Variants in KRT27 observed in about 807,000 individuals in gnomAD.
KRT27 encodes the protein keratin, type I cytoskeletal 27.
KRT27 carries 30 observed loss-of-function variants against 45.3 expected under a neutral mutation model. That is an observed-to-expected ratio of 0.66 (90% CI 0.50 to 0.90). The LOEUF (loss-of-function observed/expected upper bound fraction) is 0.90. KRT27 is among the 40% of genes least tolerant of loss of function. The pLI, the probability that KRT27 is intolerant of heterozygous loss-of-function variation, is 0.00. For missense variants in KRT27, 610 were observed against 564.3 expected (o/e 1.08, Z -0.82); for synonymous variants, 204 against 223.9 (o/e 0.91, Z 0.79).
At position 40,777,316 on chromosome 17, in the gene KRT27, G is replaced by C. The variant is rs1025482059; in HGVS notation, c.1191-14C>G. ...TTAGAACAGGAGCTGTAAAAGTATAGAGCGCTTATATTAATTATTCTGTTT... is the reference window on the plus strand; with the variant it reads ...TTAGAACAGGAGCTGTAAAAGTATACAGCGCTTATATTAATTATTCTGTTT... On this transcript the variant is annotated splice_polypyrimidine_tract_variant and intron_variant, in intron 6 of 7. Coordinates refer to ENST00000301656, the MANE Select transcript of KRT27 (RefSeq NM_181537.4). The C allele has an allele frequency of 1.2e-6, 2 of 1,604,414 alleles. No individual in the cohort carries two copies. Among genetic ancestry groups the C allele is most frequent in the East Asian group, 2.2e-5 (1 of 44,832 alleles).
chr17:40,782,010 C>A, intron 1 of KRT27, 40 bp downstream of exon 1: 1 of 1,557,634 alleles, frequency 6.4e-7, no homozygotes, highest in Non-Finnish European at 8.7e-7. Context: ...TGGCTAAACA[C>A]TCTCAGGAGT....
Position 40,779,709 on chromosome 17 carries a change from G to T in KRT27, c.837C>A (p.Phe279Leu). 6.2e-7 allele frequency: 1 copy of T among 1,613,890 alleles called. No individual in the cohort carries two copies. Among genetic ancestry groups the T allele is most frequent in the Non-Finnish European group, 8.5e-7 (1 of 1,179,848 alleles). Residue 279 changes from phenylalanine to leucine, a missense_variant, in exon 4 of 8, where the codon TTC becomes TTA. Coordinates refer to ENST00000301656, the MANE Select transcript of KRT27 (RefSeq NM_181537.4). ...CCAAGCGTGGTTTTACCTTTTCGTT[G>T]AACCAGGCCTCCGCGTCCCTGCGGT... ...EQNRRDAEAWFNEKSASLQQQ... is the reference protein window; with the variant it reads ...EQNRRDAEAWLNEKSASLQQQ...
At position 40,779,803 on chromosome 17, in the gene KRT27, G is replaced by A. The variant is rs747424168; in HGVS notation, c.743C>T (p.Ala248Val). The change falls in exon 4 of 8, where the codon GCC (alanine) becomes GTC (valine). Residue 248 changes from alanine to valine, a missense_variant. Ala to Val is a moderately conservative substitution (Grantham distance 64, BLOSUM62 0). Coordinates refer to ENST00000301656, the MANE Select transcript of KRT27 (RefSeq NM_181537.4). ...GGNVNVEMNA[A>V]PGVDLTVLLN... ...CAGAACCGTGAGGTCTACCCCGGGG[G>A]CCGCGTTCATCTCCACGTTCACGTT... The A allele has an allele frequency of 6.2e-7, 1 of 1,614,262 alleles. No individual in the cohort carries two copies. The highest frequency in any genetic ancestry group is 8.5e-7 in the Non-Finnish European group (1 of 1,180,034).
rs762495868 is a variant in KRT27 at position 40,777,049 on chromosome 17, C to T, written c.1330G>A (p.Glu444Lys). 1.2e-6 allele frequency: 2 copies of T among 1,613,714 alleles called. No individual in the cohort carries two copies. Among genetic ancestry groups the T allele is most frequent in the African/African-American group, 2.7e-5 (2 of 74,918 alleles). ...VLSSRVHTVEEKSTKVNNKNE... is the reference protein window; with the variant it reads ...VLSSRVHTVEKKSTKVNNKNE... ...TTGTTGTTGACTTTGGTGGATTTCT[C>T]TTCCACAGTGTGAACTCTGGATGAG... The change falls in exon 8 of 8, where the codon GAG becomes AAG. Residue 444 changes from glutamate (E) to lysine (K), a missense_variant. Glu to Lys is a moderately conservative substitution (Grantham distance 56, BLOSUM62 1). Coordinates refer to ENST00000301656, the MANE Select transcript of KRT27 (RefSeq NM_181537.4).
At chr17:40,777,793 G>A in intron 5 of KRT27, 61 bp from the exon 6 acceptor site, 3 of 1,481,128 alleles carry the variant, frequency 2.0e-6, no homozygotes, top group Non-Finnish European at 1.9e-6. Flanking sequence ...ATAAGCCAAA[G>A]CATTTAAGAG....
At chr17:40,779,161 C>T (rs982132671) in intron 5 of KRT27, among the ~76,000 whole-genome samples, 7 of 152,176 alleles carry the variant, frequency 4.6e-5, no homozygotes, top group Non-Finnish European at 1.0e-4. Flanking sequence ...CTCTAGTAAG[C>T]ACTTATCCCA....
In KRT27 at chr17:40,782,369, C is replaced by T; in HGVS notation, c.125G>A (p.Gly42Glu). The change falls in exon 1 of 8, where the codon GGA becomes GAA. Residue 42 changes from glycine to glutamate, a missense_variant. Physicochemically the swap from Gly to Glu is moderately conservative, Grantham distance 98 (BLOSUM62 -2). Coordinates refer to ENST00000301656, the MANE Select transcript of KRT27 (RefSeq NM_181537.4). Reference sequence around the variant, plus strand: ...CCCAAAAGCACAAGAGAAGCCACTTCCAATGCCTGGCACACCGCATGTGTT... The same window carrying T: ...CCCAAAAGCACAAGAGAAGCCACTTTCAATGCCTGGCACACCGCATGTGTT... ...AGNTCGVPGI[G>E]SGFSCAFGGS... is the part of the protein sequence containing the mutation. 1 of 1,614,198 alleles carries T rather than the reference C, an allele frequency of 6.2e-7. No individual in the cohort carries two copies. The highest frequency in any genetic ancestry group is 8.5e-7 in the Non-Finnish European group (1 of 1,180,038).
chr17:40,779,713 C>G lies in KRT27; in HGVS notation c.833G>C (p.Trp278Ser). The G allele has an allele frequency of 6.2e-7, 1 of 1,613,868 alleles. No individual in the cohort carries two copies. Among genetic ancestry groups the G allele is most frequent in the Non-Finnish European group, 8.5e-7 (1 of 1,179,832 alleles). ...GCGTGGTTTTACCTTTTCGTTGAACCAGGCCTCCGCGTCCCTGCGGTTCTG... is the reference window on the plus strand; with the variant it reads ...GCGTGGTTTTACCTTTTCGTTGAACGAGGCCTCCGCGTCCCTGCGGTTCTG... ...AEQNRRDAEA[W>S]FNEKSASLQQ... The change falls in exon 4 of 8, where the codon TGG becomes TCG. Residue 278 changes from tryptophan to serine, a missense_variant. By Grantham distance (177) the Trp-to-Ser change is radical. Transcript: ENST00000301656.
intron 1 of KRT27, 57 bp from the exon 2 acceptor site, chr17:40,781,327 TC>T (rs1469486027): frequency 2.0e-6 from 2 of 1,001,660 alleles, no homozygotes; most frequent in Non-Finnish European, 3.1e-6. Context: ...ATTTCAAAGT[TC>T]CTTGAAATAA....
chr17:40,778,248 A>G (rs1375721222), intron 5 of KRT27, among the ~76,000 whole-genome samples: 1 of 152,260 alleles, frequency 6.6e-6, no homozygotes, highest in Non-Finnish European at 1.5e-5. Context: ...CAGTAGTTCA[A>G]TTCATTGGCT....
intron 1 of KRT27, 45 bp downstream of exon 1, chr17:40,782,004 TA>T: frequency 6.5e-7 from 1 of 1,536,858 alleles, no homozygotes; most frequent in Non-Finnish European, 8.8e-7. Context: ...TGTGAGTGGC[TA>T]AACACTCTCA....
Position 40,777,125 on chromosome 17 carries a change from G to A in KRT27, c.1254C>T (p.Thr418=). Residue 418 remains threonine, a synonymous_variant, in exon 8 of 8, where the codon ACC becomes ACT. Transcript: ENST00000301656. The part of the protein sequence containing the change: ...PGNQTKDSSK[T]TIVKTVVEEI... ...CTTCAACAACTGTTTTGACAATGGT[G>A]GTTTTAGATGAATCTAAAATGCCAC... is the stretch of plus-strand genomic sequence containing the variant. 5.0e-6 allele frequency: 8 copies of A among 1,613,380 alleles called. No individual in the cohort carries two copies. The highest frequency in any genetic ancestry group is 6.8e-6 in the Non-Finnish European group (8 of 1,179,554).
Position 40,776,930 on chromosome 17 carries a change from C to T in KRT27, c.*69G>A. On this transcript the variant is annotated 3_prime_UTR_variant, in exon 8 of 8. Coordinates refer to ENST00000301656, the MANE Select transcript of KRT27 (RefSeq NM_181537.4). Reference sequence around the variant, plus strand: ...AAGAAAAGCAGAAAAATAAGGGGACCCTTATTTAGGAAACTAGCTTCATTT... The same window carrying T: ...AAGAAAAGCAGAAAAATAAGGGGACTCTTATTTAGGAAACTAGCTTCATTT... 1 of 1,401,922 alleles carries T rather than the reference C, an allele frequency of 7.1e-7. No individual in the cohort carries two copies. The highest frequency in any genetic ancestry group is 9.8e-7 in the Non-Finnish European group (1 of 1,022,148). The allele number at this position is 1,401,922 out of a possible 1,614,324, so 86.8% of individuals were successfully genotyped here. A position where few individuals can be genotyped will look rare whatever the true frequency, so the allele number is the denominator to read the frequency against.
intron 2 of KRT27, 63 bp downstream of exon 2, chr17:40,781,125 A>G (rs929148235): frequency 3.1e-6 from 3 of 954,786 alleles, no homozygotes; most frequent in Non-Finnish European, 3.2e-6. Context: ...ATAACTTAGA[A>G]GAATAAAGGA....
At position 40,782,186 on chromosome 17, in the gene KRT27, C is replaced by T. The variant is rs772003253; in HGVS notation, c.308G>A (p.Arg103Gln). The T allele has an allele frequency of 1.1e-5, 18 of 1,614,054 alleles. No individual in the cohort carries two copies. The highest frequency in any genetic ancestry group is 7.7e-5 in the South Asian group (7 of 91,086). The change falls in exon 1 of 8, where the codon CGA becomes CAA. Residue 103 changes from arginine (R) to glutamine (Q), a missense_variant. Arg to Gln is a conservative substitution (Grantham distance 43, BLOSUM62 1). Coordinates refer to ENST00000301656, the MANE Select transcript of KRT27 (RefSeq NM_181537.4). ...GTCAGCGTTGGCCTCCTCTAGGGCT[C>T]GAACATTCTCCAGGTAGGAGGCCAA... ...DRLASYLENVRALEEANADLE... is the reference protein window; with the variant it reads ...DRLASYLENVQALEEANADLE...
At chr17:40,781,988 T>C in intron 1 of KRT27, 62 bp downstream of exon 1, 2 of 1,401,374 alleles carry the variant, frequency 1.4e-6, no homozygotes, top group Admixed American at 1.9e-5. Context: ...TATACATTTG[T>C]GCATCTGTGA....
At chr17:40,780,836 G>C (rs1455024956) in intron 2 of KRT27, among the ~76,000 whole-genome samples, 2 of 152,064 alleles carry the variant, frequency 1.3e-5, no homozygotes, top group Non-Finnish European at 2.9e-5. Flanking sequence ...GCGACAGAGC[G>C]AGACTCCGTC....
At chr17:40,780,269 A>T (rs375224911) in intron 3 of KRT27, 31 bp downstream of exon 3, 73 of 1,564,402 alleles carry the variant, frequency 4.7e-5, no homozygotes, top group Non-Finnish European at 5.9e-5. Context: ...TAGGGAGGCG[A>T]TTGTGAGAGC....
chr17:40,777,360 A>T, intron 6 of KRT27, 58 bp from the exon 7 acceptor site: 1 of 1,571,386 alleles, frequency 6.4e-7, no homozygotes, highest in Non-Finnish European at 8.7e-7. Context: ...AAACTGAAAA[A>T]TAATGATTTA....
Sources: allele counts gnomAD v4.1 joint callset (sites outside exome capture counted in the v4.1 genomes callset), GRCh38; gene constraint gnomAD v4.1.1; transcripts MANE v1.5; gene names NCBI Gene and HGNC (gene_info 2026-07-23, HGNC 2026-07-21).